Variants in ARL5A observed in about 807,000 individuals in gnomAD.
ARL5A encodes the protein ARF like GTPase 5A.
Under a neutral mutation model 25.9 loss-of-function variants are expected in ARL5A, and 18 were observed. The observed-to-expected ratio is 0.69, with a 90% CI of 0.48 to 1.03. The LOEUF (loss-of-function observed/expected upper bound fraction) is 1.03, where lower values mean the gene tolerates loss of function less well. Ranked by LOEUF, ARL5A falls within the 50% of genes least tolerant of loss-of-function variation. ARL5A has a pLI of 0.00. For synonymous variants in ARL5A, 61 were observed against 67.5 expected (o/e 0.90, Z 0.47); for missense variants, 170 against 211.9 (o/e 0.80, Z 1.23).
chr2:151,808,408 TA>T (rs1203163222), intron 4 of ARL5A, among the ~76,000 whole-genome samples: 1 of 152,120 alleles, frequency 6.6e-6, no homozygotes, highest in Non-Finnish European at 1.5e-5. Flanking sequence ...CTGATGCAAA[TA>T]AAAACATTAG....
intron 1 of ARL5A, among the ~76,000 whole-genome samples, chr2:151,819,477 G>A (rs541796232): frequency 6.6e-6 from 1 of 152,210 alleles, no homozygotes; most frequent in African/African-American, 2.4e-5. Context: ...TTTGTTAAGT[G>A]AAATATGAAG....
chr2:151,815,075 G>A (rs1578377291), intron 2 of ARL5A, 64 bp downstream of exon 2: 4 of 1,233,788 alleles, frequency 3.2e-6, no homozygotes, highest in East Asian at 5.1e-5. Context: ...TTCATTGATC[G>A]ACTATCACCC....
intron 5 of ARL5A, among the ~76,000 whole-genome samples, chr2:151,804,540 G>T (rs2099829841): frequency 6.6e-6 from 1 of 152,052 alleles, no homozygotes; most frequent in Non-Finnish European, 1.5e-5. Context: ...TTTTGGGGTG[G>T]TTGTCCCATA....
rs1371531089 is a variant in ARL5A at position 151,798,950 on chromosome 2, A to G, written c.*4326T>C. 2 of 152,188 alleles carry G rather than the reference A, an allele frequency of 1.3e-5. No homozygotes were observed. The highest frequency in any genetic ancestry group is 2.9e-5 in the Non-Finnish European group (2 of 68,028). The allele number at this position is 152,188 out of a possible 1,614,324, so 9.4% of individuals were successfully genotyped here. A position where few individuals can be genotyped will look rare whatever the true frequency, so the allele number is the denominator to read the frequency against. On this transcript the variant is annotated 3_prime_UTR_variant, in exon 6 of 6. Coordinates refer to ENST00000295087, the MANE Select transcript of ARL5A (RefSeq NM_012097.4). ...TAAAGATTTAAACTTTAGTTTTCAG[A>G]ACAATACACAAGGGCTAGACATTGA...
chr2:151,821,790 T>TC (rs2099832358), intron 1 of ARL5A, among the ~76,000 whole-genome samples: 2 of 3,772 alleles, frequency 5.3e-4, no homozygotes, highest in Non-Finnish European at 2.1e-3. Context: ...TTTTTTTTTC[T>TC]TTTTTTTTTT....
intron 1 of ARL5A, among the ~76,000 whole-genome samples, chr2:151,825,542 G>A (rs1209274798): frequency 6.6e-6 from 1 of 152,180 alleles, no homozygotes; most frequent in Non-Finnish European, 1.5e-5. Context: ...CTGAATCTCA[G>A]TATCAACTAA....
In ARL5A at chr2:151,803,335, A is replaced by T. The variant is rs1431044444; in HGVS notation, c.492-11T>A. The T allele has an allele frequency of 6.2e-7, 1 of 1,608,312 alleles. No homozygotes were observed. Among genetic ancestry groups the T allele is most frequent in the East Asian group, 2.2e-5 (1 of 44,818 alleles). ...AGTCCTTGGCACAATCTATAAAGAAAACAAAATCATTTGATTAAATTCTGA... is the reference window on the plus strand; with the variant it reads ...AGTCCTTGGCACAATCTATAAAGAATACAAAATCATTTGATTAAATTCTGA... On this transcript the variant is annotated splice_polypyrimidine_tract_variant and intron_variant, in intron 5 of 5. Transcript: ENST00000295087.
intron 1 of ARL5A, among the ~76,000 whole-genome samples, chr2:151,820,442 T>C (rs1187804061): frequency 2.0e-5 from 3 of 151,924 alleles, no homozygotes; most frequent in Admixed American, 6.6e-5. Context: ...GGTGGATCAC[T>C]TGAGGTCAGG....
In ARL5A at chr2:151,815,176, G is replaced by T; in HGVS notation, c.70C>A (p.Leu24Met). The change falls in exon 2 of 6, where the codon CTG (leucine) becomes ATG (methionine). Residue 24 changes from leucine to methionine, a missense_variant. Coordinates refer to ENST00000295087, the MANE Select transcript of ARL5A (RefSeq NM_012097.4). ...ATGGTAGTTTTCCCTGCATTATCCA[G>T]CCCAACAATGATAACTTTGTGCTCT... Reference protein sequence around the residue: ...HQEHKVIIVGLDNAGKTTILY... With the variant: ...HQEHKVIIVGMDNAGKTTILY... 1 of 1,606,624 alleles carries T rather than the reference G, an allele frequency of 6.2e-7. No individual in the cohort carries two copies. The highest frequency in any genetic ancestry group is 8.5e-7 in the Non-Finnish European group (1 of 1,176,890).
chr2:151,809,517 C>T (rs2099830540), intron 4 of ARL5A, among the ~76,000 whole-genome samples: 2 of 151,930 alleles, frequency 1.3e-5, no homozygotes, highest in Admixed American at 1.3e-4. Flanking sequence ...ATTATATAAC[C>T]TCAAAACCAA....
At chr2:151,805,220 GTT>G (rs36040248) in intron 5 of ARL5A, among the ~76,000 whole-genome samples, 2 of 150,742 alleles carry the variant, frequency 1.3e-5, no homozygotes, top group Admixed American at 1.3e-4. Flanking sequence ...TTAATGAACA[GTT>G]TTTTTTTAAT....
intron 1 of ARL5A, among the ~76,000 whole-genome samples, chr2:151,815,695 G>A (rs1437184031): frequency 1.3e-5 from 2 of 152,142 alleles, no homozygotes; most frequent in Non-Finnish European, 2.9e-5. Flanking sequence ...CAGGGCCACT[G>A]TAACATGAAA....
intron 1 of ARL5A, among the ~76,000 whole-genome samples, chr2:151,820,419 G>A (rs146001198): frequency 2.0e-5 from 3 of 152,058 alleles, no homozygotes; most frequent in Non-Finnish European, 2.9e-5. Context: ...CAGCACTTTG[G>A]GGGGCTGAGG....
chr2:151,804,762 G>GA (rs2099829879), intron 5 of ARL5A, among the ~76,000 whole-genome samples: 1 of 152,122 alleles, frequency 6.6e-6, no homozygotes, highest in Non-Finnish European at 1.5e-5. Context: ...GAAACCCAGG[G>GA]TTGGCAATGT....
Position 151,828,201 on chromosome 2 carries a change from C to T in ARL5A, c.-25G>A, listed in dbSNP as rs558641983. 12 of 1,562,134 alleles carry T rather than the reference C, an allele frequency of 7.7e-6. No individual in the cohort carries two copies. The African/African-American group carries it at 1.2e-4, about 16-fold the overall frequency. ...TTCTCGGGCAGCGGACCCCCCCCCTCCAGACACCCGGGCCGCCTGGCTTCC... is the reference window on the plus strand; with the variant it reads ...TTCTCGGGCAGCGGACCCCCCCCCTTCAGACACCCGGGCCGCCTGGCTTCC... On this transcript the variant is annotated 5_prime_UTR_variant, in exon 1 of 6. Coordinates refer to ENST00000295087, the MANE Select transcript of ARL5A (RefSeq NM_012097.4).
intron 4 of ARL5A, chr2:151,810,355 G>A (rs746837623): frequency 2.0e-5 from 4 of 199,648 alleles, no homozygotes; most frequent in Non-Finnish European, 4.3e-5. Flanking sequence ...CTAACATCAT[G>A]TCTACATTTA....
chr2:151,807,045 T>C, intron 4 of ARL5A, 73 bp from the exon 5 acceptor site: 13 of 1,367,760 alleles, frequency 9.5e-6, no homozygotes, highest in Non-Finnish European at 1.3e-5. Context: ...ACAGAATCTT[T>C]TTCACAATCT....
intron 1 of ARL5A, among the ~76,000 whole-genome samples, chr2:151,817,351 T>A (rs976157250): frequency 2.6e-5 from 4 of 152,316 alleles, no homozygotes; most frequent in Non-Finnish European, 5.9e-5. Context: ...ATCTTTACAT[T>A]TCTAGTGACT....
intron 4 of ARL5A, chr2:151,810,235 A>T (rs1216297802): frequency 3.3e-5 from 5 of 152,752 alleles, no homozygotes; most frequent in African/African-American, 9.6e-5. Flanking sequence ...AAAACTTTGA[A>T]AATTATTTTA....
Sources: allele counts gnomAD v4.1 joint callset (sites outside exome capture counted in the v4.1 genomes callset), GRCh38; gene constraint gnomAD v4.1.1; transcripts MANE v1.5; gene names NCBI Gene and HGNC (gene_info 2026-07-23, HGNC 2026-07-21).